Variants in DDHD1 observed in about 807,000 individuals in gnomAD.
DDHD1 encodes the protein phospholipase DDHD1.
In DDHD1, 49 loss-of-function variants were observed where a neutral mutation model predicts 96.4. The observed-to-expected ratio is 0.51, with a 90% CI of 0.40 to 0.64. The LOEUF (loss-of-function observed/expected upper bound fraction) is 0.64. Among genes scored for constraint, DDHD1 ranks in the 30% least tolerant of loss-of-function variants. The pLI is 0.00. For synonymous variants in DDHD1, 442 were observed against 446.5 expected, an observed-to-expected ratio of 0.99 and a Z score of 0.13; for missense variants, 1,106 against 1,161.2, an observed-to-expected ratio of 0.95 and a Z score of 0.69.
chr14:53,068,246 T>C (rs1233097522), intron 6 of DDHD1, among the ~76,000 whole-genome samples: 1 of 142,664 alleles, frequency 7.0e-6, no homozygotes, highest in Non-Finnish European at 1.5e-5. Context: ...TATGATACTT[T>C]TTTTTTTTTT....
At chr14:53,093,467 A>T (rs755814823) in intron 2 of DDHD1, 23 bp from the exon 3 acceptor site, 2 of 1,601,466 alleles carry the variant, frequency 1.2e-6, no homozygotes, top group South Asian at 2.3e-5. Flanking sequence ...GGAAAAGCTA[A>T]TTTGAAGGTC....
intron 3 of DDHD1, 186 bp from the exon 4 acceptor site, chr14:53,092,118 A>C (rs1458375106): frequency 7.2e-6 from 3 of 414,484 alleles, no homozygotes; most frequent in African/African-American, 2.0e-5. Context: ...ACTGGACACA[A>C]CACCAAAGCC....
At chr14:53,082,077 G>C (rs1161021873) in intron 4 of DDHD1, among the ~76,000 whole-genome samples, 1 of 152,068 alleles carries the variant, frequency 6.6e-6, no homozygotes, top group Non-Finnish European at 1.5e-5. Context: ...GAGAAAATGA[G>C]AAAAAGGAAT....
At chr14:53,089,983 G>C (rs918775532) in intron 4 of DDHD1, among the ~76,000 whole-genome samples, 8 of 152,124 alleles carry the variant, frequency 5.3e-5, no homozygotes, top group African/African-American at 1.7e-4. Context: ...ATTTAAACAA[G>C]GGCTAATATC....
chr14:53,152,634 G>A lies in DDHD1; in HGVS notation c.465C>T (p.His155=). 6.2e-7 allele frequency: 1 copy of A among 1,613,210 alleles called. No homozygotes were observed. Among genetic ancestry groups the A allele is most frequent in the Non-Finnish European group, 8.5e-7 (1 of 1,179,878 alleles). ...RTRLGGPAAR[H]RYEVVTELGP... Reference sequence around the variant, plus strand: ...CCAGCTCCGTCACTACCTCATAGCGGTGCCGGGCCGCCGGGCCGCCAAGCC... The same window carrying A: ...CCAGCTCCGTCACTACCTCATAGCGATGCCGGGCCGCCGGGCCGCCAAGCC... Residue 155 remains histidine (H), a synonymous_variant, in exon 1 of 13, where the codon CAC becomes CAT. Coordinates refer to ENST00000673822, the MANE Select transcript of DDHD1 (RefSeq NM_001160148.2).
intron 1 of DDHD1, 117 bp downstream of exon 1, chr14:53,152,144 C>CGTATCATTAAAAAAA: frequency 9.3e-7 from 1 of 1,078,258 alleles, no homozygotes; most frequent in Non-Finnish European, 1.3e-6. Context: ...CTGCCCCAGC[C>CGTATCATTAAAAAAA]AAACGCCAGG....
chr14:53,088,755 T>G (rs977622760), intron 4 of DDHD1, among the ~76,000 whole-genome samples: 12 of 152,176 alleles, frequency 7.9e-5, no homozygotes, highest in African/African-American at 2.9e-4. Context: ...CTTTGAAAAC[T>G]GGCACAACAC....
chr14:53,132,017 T>G (rs1358559604), intron 1 of DDHD1, among the ~76,000 whole-genome samples: 1 of 152,172 alleles, frequency 6.6e-6, no homozygotes, highest in East Asian at 1.9e-4. Flanking sequence ...CTTTCGCCTT[T>G]AGATACCTAG....
At chr14:53,054,278 T>C in intron 11 of DDHD1, 160 bp downstream of exon 11, 1 of 600,394 alleles carries the variant, frequency 1.7e-6, no homozygotes, top group Non-Finnish European at 2.7e-6. Context: ...AAATTATTCT[T>C]AAAAATATAA....
At chr14:53,052,285 C>T in intron 11 of DDHD1, among the ~76,000 whole-genome samples, 1 of 151,978 alleles carries the variant, frequency 6.6e-6, no homozygotes, top group East Asian at 1.9e-4. Flanking sequence ...GATGCTTCAA[C>T]TGGATGAAAA....
At chr14:53,050,250 A>G (rs1337137338) in intron 12 of DDHD1, among the ~76,000 whole-genome samples, 1 of 152,170 alleles carries the variant, frequency 6.6e-6, no homozygotes, top group African/African-American at 2.4e-5. Context: ...CAGAGGTGGG[A>G]AGCATGGGGT....
At position 53,046,741 on chromosome 14, in the gene DDHD1, T is replaced by A. The variant is rs765524465; in HGVS notation, c.*27A>T. On this transcript the variant is annotated 3_prime_UTR_variant, in exon 13 of 13. Coordinates refer to ENST00000673822, the MANE Select transcript of DDHD1 (RefSeq NM_001160148.2). ...TAACGGAAAAAAAAAAAATCAGTTT[T>A]AGGCCATTCATGTCCTTCAAGAGAG... is the stretch of plus-strand genomic sequence containing the variant. 1 of 1,473,908 alleles carries A rather than the reference T, an allele frequency of 6.8e-7. No homozygotes were observed. The highest frequency in any genetic ancestry group is 9.0e-7 in the Non-Finnish European group (1 of 1,110,296). 91.3% of individuals were successfully genotyped at this position (1,473,908 alleles called of 1,614,324 possible). A position where few individuals can be genotyped will look rare whatever the true frequency, so the allele number is the denominator to read the frequency against.
chr14:53,069,995 C>G (rs905690312), intron 6 of DDHD1, among the ~76,000 whole-genome samples: 2 of 152,106 alleles, frequency 1.3e-5, no homozygotes, highest in Non-Finnish European at 2.9e-5. Flanking sequence ...TATTCAGTTC[C>G]TTTCTGAGGA....
intron 7 of DDHD1, among the ~76,000 whole-genome samples, chr14:53,062,321 CA>C (rs1883655459): frequency 6.6e-6 from 1 of 151,644 alleles, no homozygotes; most frequent in South Asian, 2.1e-4. Flanking sequence ...AGTAAATTAT[CA>C]AAATGAGTGA....
intron 12 of DDHD1, 124 bp downstream of exon 12, chr14:53,051,720 C>A: frequency 1.4e-6 from 1 of 727,400 alleles, no homozygotes; most frequent in Non-Finnish European, 2.2e-6. Flanking sequence ...ATAAAATAGT[C>A]TGTAATGGTA....
intron 4 of DDHD1, among the ~76,000 whole-genome samples, chr14:53,090,893 T>C (rs1431230730): frequency 6.6e-6 from 1 of 152,048 alleles, no homozygotes; most frequent in African/African-American, 2.4e-5. Context: ...AGTTGAATTG[T>C]ATTTTAACTT....
intron 1 of DDHD1, among the ~76,000 whole-genome samples, chr14:53,117,009 TGCTA>T (rs1418284733): frequency 2.0e-5 from 3 of 151,964 alleles, no homozygotes; most frequent in Admixed American, 6.6e-5. Flanking sequence ...CAAAATAGAC[TGCTA>T]GCTAGACTAA....
rs140802667 is a variant in DDHD1 at position 53,093,148 on chromosome 14, C to T, written c.1141+168G>A. The T allele has an allele frequency of 9.8e-6, 5 of 509,636 alleles. No homozygotes were observed. The Admixed American group carries it at 1.3e-4, about 13-fold the overall frequency. The allele number at this position is 509,636 out of a possible 1,614,324, so 31.6% of individuals were successfully genotyped here. A position where few individuals can be genotyped will look rare whatever the true frequency, so the allele number is the denominator to read the frequency against. ...TATAATAATTATTCCTTGATGAACA[C>T]ATGTCAACTCAATCAACTTAATAAA... On this transcript the variant is annotated intron_variant, in intron 3 of 12. Coordinates refer to ENST00000673822, the MANE Select transcript of DDHD1 (RefSeq NM_001160148.2).
In DDHD1 at chr14:53,063,011, C is replaced by CAGT. The variant is rs1566528594; in HGVS notation, c.1697_1698insACT (p.Leu566dup). 1 of 1,614,100 alleles carries CAGT rather than the reference C, an allele frequency of 6.2e-7. No homozygotes were observed. The highest frequency in any genetic ancestry group is 1.3e-5 in the African/African-American group (1 of 75,046). On this transcript the variant is annotated inframe_insertion, in exon 7 of 13. Coordinates refer to ENST00000673822, the MANE Select transcript of DDHD1 (RefSeq NM_001160148.2). ...CATAGCTCATCCATCGTTCATCAGG[C>CAGT]AACTCTTCTTCCTTTTGCAGCAACT...
Sources: gnomAD v4.1 joint callset for allele counts (sites outside exome capture counted in the v4.1 genomes callset) on GRCh38, gnomAD v4.1.1 for gene constraint, MANE v1.5 for transcripts, NCBI Gene and HGNC (gene_info 2026-07-23, HGNC 2026-07-21) for gene names.